The following MBTD1 variants were observed in gnomAD, a reference collection of about 807,000 sequenced individuals.
MBTD1 encodes the protein MBT domain-containing protein 1.
Under a neutral mutation model 87.8 loss-of-function variants are expected in MBTD1, and 24 were observed. The ratio of observed to expected loss-of-function variants is 0.27; its 90% CI spans 0.20 to 0.38. The LOEUF (loss-of-function observed/expected upper bound fraction) is 0.38. Among genes scored for constraint, MBTD1 ranks in the 10% least tolerant of loss-of-function variants. The pLI is 1.00. For missense variants in MBTD1, 436 were observed against 760.2 expected (o/e 0.57, Z 5.02); for synonymous variants, 237 against 248.6 (o/e 0.95, Z 0.44).
At chr17:51,254,133 T>C (rs1353444639) in intron 2 of MBTD1, among the ~76,000 whole-genome samples, 2 of 152,316 alleles carry the variant, frequency 1.3e-5, no homozygotes, top group African/African-American at 2.4e-5. Context: ...TAAATTTGAA[T>C]GTTGTATGCA....
intron 2 of MBTD1, among the ~76,000 whole-genome samples, chr17:51,255,582 G>A (rs542554392): frequency 1.3e-4 from 19 of 150,864 alleles, no homozygotes; most frequent in Non-Finnish European, 2.5e-4. Flanking sequence ...AATAGATGAT[G>A]ATAACCTTTT....
At chr17:51,220,210 G>C in intron 4 of MBTD1, 120 bp downstream of exon 4, 1 of 914,280 alleles carries the variant, frequency 1.1e-6, no homozygotes, top group Admixed American at 3.2e-5. Flanking sequence ...CTCAAGATGT[G>C]GTATAAAACC....
At chr17:51,181,073 G>A (rs544653545) in intron 16 of MBTD1, among the ~76,000 whole-genome samples, 22 of 148,542 alleles carry the variant, frequency 1.5e-4, no homozygotes, top group African/African-American at 5.2e-4. Context: ...TCAGGCTGGA[G>A]TGCAGTGGAG....
At chr17:51,206,305 G>A (rs2051830554) in intron 7 of MBTD1, among the ~76,000 whole-genome samples, 2 of 151,920 alleles carry the variant, frequency 1.3e-5, no homozygotes, top group Non-Finnish European at 2.9e-5. Flanking sequence ...AATGGGTCTC[G>A]CTATTTTGCC....
chr17:51,256,864 A>C (rs754474042), intron 2 of MBTD1: 4 of 152,228 alleles, frequency 2.6e-5, no homozygotes, highest in Non-Finnish European at 4.4e-5. Context: ...ATCTTGTCCA[A>C]CAAGGGCCAT....
chr17:51,195,161 A>G, intron 13 of MBTD1, 53 bp downstream of exon 13: 1 of 1,541,994 alleles, frequency 6.5e-7, no homozygotes, highest in Non-Finnish European at 8.8e-7. Context: ...AACAAAAACC[A>G]TGTAAGAAGA....
At chr17:51,251,556 A>G (rs1359757234) in intron 2 of MBTD1, 2 of 152,142 alleles carry the variant, frequency 1.3e-5, no homozygotes, top group African/African-American at 4.8e-5. Flanking sequence ...CCTTGTCTAA[A>G]GCTTTCACAC....
chr17:51,195,338 C>A lies in MBTD1; in HGVS notation c.1248G>T (p.Met416Ile). 6.2e-7 allele frequency: 1 copy of A among 1,608,566 alleles called. No homozygotes were observed. Among genetic ancestry groups the A allele is most frequent in the Non-Finnish European group, 8.5e-7 (1 of 1,177,284 alleles). Reference protein sequence around the residue: ...IRKVLADGFLMIGIDGSEAAD... With the variant: ...IRKVLADGFLIIGIDGSEAAD... ...CTGCTTCTGAGCCATCGATCCCAAT[C>A]ATCAGGAATCCGTCAGCTAGCACCT... Residue 416 changes from methionine (M) to isoleucine (I), a missense_variant, in exon 13 of 17, where the codon ATG becomes ATT. Around this residue, in one of 5 missense-constraint regions of MBTD1, gnomAD observed 268 missense variants for 401.8 expected, o/e 0.67. Transcript: ENST00000586178.
At chr17:51,199,630 T>TG (rs565897292) in intron 12 of MBTD1, among the ~76,000 whole-genome samples, 147 of 150,786 alleles carry the variant, frequency 9.7e-4, no homozygotes, top group Middle Eastern at 3.6e-3. Flanking sequence ...TTAGTAAAGA[T>TG]GGGGTCTCAC....
intron 2 of MBTD1, among the ~76,000 whole-genome samples, chr17:51,254,368 G>T (rs921732272): frequency 6.6e-6 from 1 of 152,168 alleles, no homozygotes; most frequent in Admixed American, 6.5e-5. Flanking sequence ...AAGGATTTGG[G>T]ATTACTGAGT....
upstream of MBTD1, chr17:51,260,889 A>G (rs754213119): frequency 3.0e-5 from 48 of 1,599,048 alleles, no homozygotes; most frequent in Middle Eastern, 5.5e-4. Context: ...GTCGAGAACG[A>G]CGAGGACGCG....
At chr17:51,180,770 C>G (rs1014197558) in intron 16 of MBTD1, 76 bp from the exon 17 acceptor site, 5 of 764,744 alleles carry the variant, frequency 6.5e-6, no homozygotes, top group Non-Finnish European at 1.1e-5. Flanking sequence ...CTTCGTGTTC[C>G]GTCAGCTTTA....
In MBTD1 at chr17:51,218,818, G is replaced by A. The variant is rs923801841; in HGVS notation, c.403+112C>T. The A allele has an allele frequency of 5.9e-6, 4 of 673,600 alleles. No individual in the cohort carries two copies. The African/African-American group carries it at 7.1e-5, about 12-fold the overall frequency. 41.7% of individuals were successfully genotyped at this position (673,600 alleles called of 1,614,324 possible). On this transcript the variant is annotated intron_variant, in intron 5 of 16. Transcript: ENST00000586178. Reference sequence around the variant, plus strand: ...AGGAAGCTTAGAGCTGTAATGTGCTGACAGGACATAGAAACAGCTAGTTAA... The same window carrying A: ...AGGAAGCTTAGAGCTGTAATGTGCTAACAGGACATAGAAACAGCTAGTTAA...
chr17:51,197,097 T>G lies in MBTD1; in HGVS notation c.1225-1736A>C, dbSNP rs1293119554. ...ATATATATATATATATATATATATA[T>G]ATATATATATATATATATATGGAGG... On this transcript the variant is annotated intron_variant, in intron 12 of 16. Coordinates refer to ENST00000586178, the MANE Select transcript of MBTD1 (RefSeq NM_017643.3). Among the ~76,000 whole-genome samples the G allele has an allele frequency of 5.8e-4, 13 of 22,256 alleles. 1 individual carries two copies. The highest frequency in any genetic ancestry group is 1.5e-3 in the South Asian group (1 of 688). The allele number at this position is 22,256 out of a possible 152,430, so 14.6% of individuals were successfully genotyped here. A position where few individuals can be genotyped will look rare whatever the true frequency, so the allele number is the denominator to read the frequency against.
intron 2 of MBTD1, among the ~76,000 whole-genome samples, chr17:51,248,187 C>T (rs537722437): frequency 1.2e-4 from 18 of 152,310 alleles, no homozygotes; most frequent in African/African-American, 4.1e-4. Flanking sequence ...AAGATTGGTT[C>T]ATCAACTAGA....
At chr17:51,195,021 T>C (rs1366942493) in intron 13 of MBTD1, among the ~76,000 whole-genome samples, 193 bp downstream of exon 13, 1 of 152,200 alleles carries the variant, frequency 6.6e-6, no homozygotes, top group Non-Finnish European at 1.5e-5. Flanking sequence ...TATACTACTG[T>C]AATTTATTAA....
intron 2 of MBTD1, among the ~76,000 whole-genome samples, chr17:51,229,864 G>A (rs1050830845): frequency 2.6e-5 from 4 of 151,872 alleles, no homozygotes; most frequent in African/African-American, 7.3e-5. Context: ...ATTTCACCTC[G>A]TTAACCAGGA....
At chr17:51,188,618 G>A (rs1020006576) in intron 16 of MBTD1, among the ~76,000 whole-genome samples, 36 of 152,244 alleles carry the variant, frequency 2.4e-4, no homozygotes, top group Non-Finnish European at 2.9e-5. Flanking sequence ...TGTAACTAAA[G>A]CTTAGTGAGA....
Position 51,192,990 on chromosome 17 carries a change from T to C in MBTD1, c.1482A>G (p.Val494=). The change falls in exon 15 of 17, where the codon GTA becomes GTG. Residue 494 remains valine (V), a synonymous_variant. Transcript: ENST00000586178. The part of the protein sequence containing the change: ...NKDVPNHGFR[V]GMKLEAVDLM... ...GATCTACTGCTTCTAATTTCATTCC[T>C]ACACGAAATCCGTGATTTGGAACAT... 1 of 1,613,752 alleles carries C rather than the reference T, an allele frequency of 6.2e-7. No individual in the cohort carries two copies. Among genetic ancestry groups the C allele is most frequent in the Non-Finnish European group, 8.5e-7 (1 of 1,179,726 alleles).
Sources: allele counts gnomAD v4.1 joint callset (sites outside exome capture counted in the v4.1 genomes callset), GRCh38; gene constraint gnomAD v4.1.1; regional missense constraint gnomAD v4.1.1; transcripts MANE v1.5; gene names NCBI Gene and HGNC (gene_info 2026-07-23, HGNC 2026-07-21).